DOCK1: variants seen among roughly 807,000 people sequenced by gnomAD.
The protein encoded by DOCK1 is dedicator of cytokinesis protein 1.
In DOCK1, 138 loss-of-function variants were observed where a neutral mutation model predicts 262.7. The observed-to-expected ratio is 0.53, with a 90% confidence interval of 0.46 to 0.61. DOCK1 has a LOEUF of 0.61. Among genes scored for constraint, DOCK1 ranks in the 20% least tolerant of loss-of-function variants. DOCK1 has a pLI of 0.00. For synonymous variants in DOCK1, 866 were observed against 867.4 expected, an observed-to-expected ratio of 1.00 and a Z score of 0.03; for missense variants, 1,908 against 2,370.7, an observed-to-expected ratio of 0.80 and a Z score of 4.05.
chr10:127,414,849 A>C (rs1232981845), intron 43 of DOCK1, among the ~76,000 whole-genome samples: 7 of 152,134 alleles, frequency 4.6e-5, no homozygotes, highest in Non-Finnish European at 8.8e-5. Flanking sequence ...CCCATACCTC[A>C]TTTTGGAGTA....
At chr10:127,148,018 G>A (rs2052074457) in intron 27 of DOCK1, among the ~76,000 whole-genome samples, 1 of 112,036 alleles carries the variant, frequency 8.9e-6, no homozygotes, top group Non-Finnish European at 1.7e-5. Flanking sequence ...GCAACAGAGT[G>A]AGACTCTGTC....
rs1374597011 is a variant in DOCK1 at position 127,012,996 on chromosome 10, G to C, written c.1201+622G>C. Among the ~76,000 whole-genome samples the C allele has an allele frequency of 6.6e-6, 1 of 152,198 alleles. No individual in the cohort carries two copies. The highest frequency in any genetic ancestry group is 2.4e-5 in the African/African-American group (1 of 41,456). On this transcript the variant is annotated intron_variant, in intron 12 of 51. Coordinates refer to ENST00000623213, the MANE Select transcript of DOCK1 (RefSeq NM_001290223.2). The surrounding 1 kb of genome is among the most constrained non-coding windows in gnomAD (Gnocchi z 4.0). ...TCAGAACTTGACCGTCTCACTCCCT[G>C]ATCCATGCAGACTGCCCGTAAACGC...
intron 46 of DOCK1, among the ~76,000 whole-genome samples, chr10:127,421,654 C>T (rs938700272): frequency 4.6e-5 from 7 of 152,158 alleles, no homozygotes; most frequent in African/African-American, 7.2e-5. Context: ...CTCCTGGTCA[C>T]CACCATTCTA....
At chr10:126,960,745 T>TATATATATATATATACACAC (rs1429186588) in intron 1 of DOCK1, among the ~76,000 whole-genome samples, 2 of 115,494 alleles carry the variant, frequency 1.7e-5, no homozygotes, top group African/African-American at 8.0e-5. Context: ...TATATATATA[T>TATATATATATATATACACAC]ACACACACAC....
chr10:127,426,018 G>A lies in DOCK1; in HGVS notation c.4914+7G>A, dbSNP rs184014915. ...GTACGGCGTCCGAATCATGGTAAGA[G>A]GGTAGTATGCGTAGTGTTGCAGAAG... is the stretch of plus-strand genomic sequence containing the variant. On this transcript the variant is annotated splice_region_variant and intron_variant, in intron 47 of 51. Coordinates refer to ENST00000623213, the MANE Select transcript of DOCK1 (RefSeq NM_001290223.2). The A allele has an allele frequency of 3.1e-4, 501 of 1,613,842 alleles. 2 individuals carry two copies. The East Asian group carries it at 9.2e-3, about 30-fold the overall frequency.
chr10:126,998,023 G>C, intron 7 of DOCK1, 69 bp from the exon 8 acceptor site: 4 of 1,578,256 alleles, frequency 2.5e-6, no homozygotes, highest in Non-Finnish European at 3.5e-6. Context: ...TATTCTGTAG[G>C]GAATAAAGAA....
At chr10:127,066,103 G>A (rs1482424377) in intron 23 of DOCK1, among the ~76,000 whole-genome samples, 1 of 151,996 alleles carries the variant, frequency 6.6e-6, no homozygotes, top group Admixed American at 6.6e-5. Flanking sequence ...TGCCCTCGGC[G>A]TTTCTCTCTC....
At chr10:127,177,487 C>A (rs2055271947) in intron 27 of DOCK1, among the ~76,000 whole-genome samples, 1 of 152,252 alleles carries the variant, frequency 6.6e-6, no homozygotes, top group Admixed American at 6.5e-5. Flanking sequence ...GTGAGTGAGG[C>A]TTCGCCTTTT....
intron 31 of DOCK1, among the ~76,000 whole-genome samples, chr10:127,344,796 G>C (rs1263992046): frequency 6.6e-6 from 1 of 152,088 alleles, no homozygotes; most frequent in African/African-American, 2.4e-5. Context: ...AGGAGGTCAA[G>C]GCTGCAGTGC....
At chr10:126,954,182 T>C (rs1338191159) in intron 1 of DOCK1, among the ~76,000 whole-genome samples, 1 of 152,262 alleles carries the variant, frequency 6.6e-6, no homozygotes, top group Non-Finnish European at 1.5e-5. Flanking sequence ...TGTATTTTTA[T>C]AGTCAATTGA....
intron 35 of DOCK1, among the ~76,000 whole-genome samples, chr10:127,378,406 T>C (rs574382079): frequency 9.9e-5 from 15 of 151,934 alleles, no homozygotes; most frequent in South Asian, 2.1e-4. Context: ...TCAGCGCTGG[T>C]GTGGGGGGAC....
chr10:127,259,788 G>A (rs1378720000), intron 29 of DOCK1, among the ~76,000 whole-genome samples: 3 of 72,194 alleles, frequency 4.2e-5, no homozygotes, highest in South Asian at 1.7e-3. Context: ...CTTAGTTCAT[G>A]ATTTTTTTTT....
At chr10:127,336,578 C>T (rs890180075) in intron 29 of DOCK1, among the ~76,000 whole-genome samples, 3 of 149,624 alleles carry the variant, frequency 2.0e-5, no homozygotes, top group African/African-American at 7.4e-5. Context: ...CTCACTCTGT[C>T]ACCCAGGCTG....
intron 28 of DOCK1, among the ~76,000 whole-genome samples, chr10:127,249,874 A>T (rs1358013779): frequency 2.0e-5 from 3 of 152,200 alleles, no homozygotes; most frequent in African/African-American, 7.2e-5. Flanking sequence ...GAATATGTAT[A>T]TGTTTGTATT....
At chr10:127,197,004 A>C (rs922040925) in intron 27 of DOCK1, among the ~76,000 whole-genome samples, 3 of 152,030 alleles carry the variant, frequency 2.0e-5, no homozygotes, top group African/African-American at 7.2e-5. Context: ...GCCAGGCTTG[A>C]AGGGTGCGTG....
In DOCK1 at chr10:127,346,757, G is replaced by A. The variant is rs907439226; in HGVS notation, c.3224+3011G>A. Among the ~76,000 whole-genome samples, 5 of 152,334 alleles carry A rather than the reference G, an allele frequency of 3.3e-5. No individual in the cohort carries two copies. In the East Asian group the frequency reaches 9.7e-4, roughly 29 times the overall value. On this transcript the variant is annotated intron_variant, in intron 31 of 51. Coordinates refer to ENST00000623213, the MANE Select transcript of DOCK1 (RefSeq NM_001290223.2). ...GTCGCCCCCTCAGGAGCCACCCAGG[G>A]CCTCTGCCTAGGGCTTTCGTATTCT... is the stretch of plus-strand genomic sequence containing the variant.
Position 127,412,521 on chromosome 10 carries a change from G to T in DOCK1, c.4428+1597G>T, listed in dbSNP as rs2067920185. On this transcript the variant is annotated intron_variant, in intron 43 of 51. Coordinates refer to ENST00000623213, the MANE Select transcript of DOCK1 (RefSeq NM_001290223.2). The stretch of plus-strand genomic sequence containing the variant: ...TGTATTGCAAGGAGGCATTAGCCCG[G>T]GGACCCCCAAGGAGGACCGGCTCTG... Among the ~76,000 whole-genome samples the T allele has an allele frequency of 1.3e-5, 2 of 152,176 alleles. 1 individual carries two copies. The highest frequency in any genetic ancestry group is 4.1e-4 in the South Asian group (2 of 4,828).
At chr10:126,972,724 A>G (rs2038209916) in intron 2 of DOCK1, among the ~76,000 whole-genome samples, 1 of 152,048 alleles carries the variant, frequency 6.6e-6, no homozygotes, top group African/African-American at 2.4e-5. Context: ...TGAGAAACAC[A>G]GACCTACTAA....
chr10:127,104,465 T>G (rs1328743708), intron 23 of DOCK1, among the ~76,000 whole-genome samples: 2 of 152,184 alleles, frequency 1.3e-5, no homozygotes. Context: ...GGCATGAAGT[T>G]TATTTATTTG....
Sources: gnomAD v4.1 joint callset for allele counts (sites outside exome capture counted in the v4.1 genomes callset) on GRCh38, gnomAD v4.1.1 for gene constraint, Gnocchi (gnomAD v3.1) non-coding constraint, MANE v1.5 for transcripts, NCBI Gene and HGNC (gene_info 2026-07-23, HGNC 2026-07-21) for gene names.